KRTAP20-1: variants seen among roughly 807,000 people sequenced by gnomAD.
KRTAP20-1 encodes the protein keratin-associated protein 20-1.
In KRTAP20-1, 9 loss-of-function variants were observed where a neutral mutation model predicts 6.9. The observed-to-expected ratio is 1.31, with a 90% CI of 0.79 to 2.29. The LOEUF (loss-of-function observed/expected upper bound fraction) is 2.29. Ranked by LOEUF, KRTAP20-1 falls within the 30% of genes most tolerant of loss-of-function variation. The probability of loss-of-function intolerance (pLI) is 0.00; values close to 1 mark genes in which losing one functional copy is unlikely to be tolerated. For missense variants in KRTAP20-1, 69 were observed against 67.8 expected (o/e 1.02, Z -0.06); for synonymous variants, 30 against 25.6 (o/e 1.17, Z -0.51).
In KRTAP20-1 at chr21:30,616,441, C is replaced by T. The variant is rs1033120920; in HGVS notation, c.-14C>T. 6.2e-7 allele frequency: 1 copy of T among 1,604,464 alleles called. No homozygotes were observed. The highest frequency in any genetic ancestry group is 1.1e-5 in the South Asian group (1 of 89,672). On this transcript the variant is annotated 5_prime_UTR_variant, in exon 1 of 1. Transcript: ENST00000334664. ...ACATCCTCTTCTACACCTGAACCAT[C>T]CATTTCTGACACCATGATTTACTAC...
chr21:30,616,478 T>C lies in KRTAP20-1; in HGVS notation c.24T>C (p.Tyr8=), dbSNP rs1980699891. Residue 8 remains tyrosine, a synonymous_variant, in exon 1 of 1, where the codon TAT becomes TAC. Coordinates refer to ENST00000334664, the MANE Select transcript of KRTAP20-1 (RefSeq NM_181615.2). MIYYSNY[Y]GGYGYGGLGC... ...CCATGATTTACTACAGCAACTATTA[T>C]GGTGGCTATGGGTATGGTGGGCTTG... 2 of 1,612,206 alleles carry C rather than the reference T, an allele frequency of 1.2e-6. No individual in the cohort carries two copies. Among genetic ancestry groups the C allele is most frequent in the Non-Finnish European group, 1.7e-6 (2 of 1,178,632 alleles).
Position 30,616,547 on chromosome 21 carries a change from T to C in KRTAP20-1, c.93T>C (p.Tyr31=). Residue 31 remains tyrosine (Y), a synonymous_variant, in exon 1 of 1, where the codon TAT becomes TAC. Transcript: ENST00000334664. ...GCGYRGYGCG[Y]GGYGGYGNGY... The stretch of plus-strand genomic sequence containing the variant: ...GTTATCGTGGCTATGGATGTGGTTA[T>C]GGTGGCTATGGAGGCTATGGAAATG... 6.2e-7 allele frequency: 1 copy of C among 1,609,124 alleles called. No homozygotes were observed. Among genetic ancestry groups the C allele is most frequent in the Non-Finnish European group, 8.5e-7 (1 of 1,175,478 alleles).
Position 30,616,648 on chromosome 21 carries a change from T to G in KRTAP20-1, c.*23T>G, listed in dbSNP as rs1206490344. 15 of 1,564,834 alleles carry G rather than the reference T, an allele frequency of 9.6e-6. No individual in the cohort carries two copies. Among genetic ancestry groups the G allele is most frequent in the Non-Finnish European group, 1.3e-5 (15 of 1,148,100 alleles). On this transcript the variant is annotated 3_prime_UTR_variant, in exon 1 of 1. Transcript: ENST00000334664. Reference sequence around the variant, plus strand: ...TGAACAATTCTAGAGCTCACCAGATTTGTCTGCTTGTGAAACCTGGATTCT... The same window carrying G: ...TGAACAATTCTAGAGCTCACCAGATGTGTCTGCTTGTGAAACCTGGATTCT...
chr21:30,616,683 C>G lies in KRTAP20-1; in HGVS notation c.*58C>G. The G allele has an allele frequency of 6.9e-7, 1 of 1,451,402 alleles. No individual in the cohort carries two copies. Among genetic ancestry groups the G allele is most frequent in the South Asian group, 1.4e-5 (1 of 71,316 alleles). 89.9% of individuals were successfully genotyped at this position (1,451,402 alleles called of 1,614,324 possible). ...GTGAAACCTGGATTCTCATGCTGCT[C>G]TTGTTCATCTGATCCTGTGTCTTCA... On this transcript the variant is annotated 3_prime_UTR_variant, in exon 1 of 1. Coordinates refer to ENST00000334664, the MANE Select transcript of KRTAP20-1 (RefSeq NM_181615.2).
rs779381012 is a variant in KRTAP20-1 at position 30,616,492 on chromosome 21, A to G, written c.38A>G (p.Tyr13Cys). The change falls in exon 1 of 1, where the codon TAT (tyrosine) becomes TGT (cysteine). Residue 13 changes from tyrosine (Y) to cysteine (C), a missense_variant. By Grantham distance (194) the Tyr-to-Cys change is radical. Transcript: ENST00000334664. ...AGCAACTATTATGGTGGCTATGGGT[A>G]TGGTGGGCTTGGCTGTGGCTATGGC... ...YYSNYYGGYG[Y>C]GGLGCGYGCG... The G allele has an allele frequency of 6.2e-7, 1 of 1,612,280 alleles. No homozygotes were observed. The highest frequency in any genetic ancestry group is 1.7e-5 in the Admixed American group (1 of 59,960).
chr21:30,616,475 T>G, the KRTAP20-1 span: 31 of 1,611,856 alleles, frequency 1.9e-5, no homozygotes, highest in Non-Finnish European at 2.6e-5. Flanking sequence ...ACAGCAACTA[T>G]TATGGTGGCT....
chr21:30,616,466 C>CGT, the KRTAP20-1 span: 9 of 1,610,406 alleles, frequency 5.6e-6, no homozygotes, highest in East Asian at 2.0e-4. Context: ...TGATTTACTA[C>CGT]AGCAACTATT....
rs1424344841 is a variant in KRTAP20-1 at position 30,616,553 on chromosome 21, C to G, written c.99C>G (p.Gly33=). The G allele has an allele frequency of 1.2e-6, 2 of 1,608,176 alleles. No homozygotes were observed. Among genetic ancestry groups the G allele is most frequent in the East Asian group, 4.5e-5 (2 of 44,830 alleles). ...GYRGYGCGYG[G]YGGYGNGYYC... ...GTGGCTATGGATGTGGTTATGGTGG[C>G]TATGGAGGCTATGGAAATGGCTACT... is the stretch of plus-strand genomic sequence containing the variant. Residue 33 remains glycine, a synonymous_variant, in exon 1 of 1, where the codon GGC becomes GGG. Coordinates refer to ENST00000334664, the MANE Select transcript of KRTAP20-1 (RefSeq NM_181615.2).
rs1349807267 is a variant in KRTAP20-1, at chr21:30,616,458, A to G, written c.4A>G (p.Ile2Val). The part of the protein sequence containing the change: M[I>V]YYSNYYGGYG... The stretch of plus-strand genomic sequence containing the variant: ...TGAACCATCCATTTCTGACACCATG[A>G]TTTACTACAGCAACTATTATGGTGG... Residue 2 changes from isoleucine (I) to valine (V), a missense_variant, in exon 1 of 1, where the codon ATT (isoleucine) becomes GTT (valine). Physicochemically the swap from Ile to Val is conservative, Grantham distance 29. Coordinates refer to ENST00000334664, the MANE Select transcript of KRTAP20-1 (RefSeq NM_181615.2). The G allele has an allele frequency of 4.4e-6, 7 of 1,608,732 alleles. No homozygotes were observed. Among genetic ancestry groups the G allele is most frequent in the Non-Finnish European group, 6.0e-6 (7 of 1,176,440 alleles).
rs770360159 is a variant in KRTAP20-1 at position 30,616,625 on chromosome 21, A to G, written c.171A>G (p.Ter57TrpextTer12). The change falls in exon 1 of 1, where the codon TGA becomes TGG. Residue 57 changes from the stop codon to tryptophan, a stop_lost. Coordinates refer to ENST00000334664, the MANE Select transcript of KRTAP20-1 (RefSeq NM_181615.2). Reference protein sequence around the residue: ...YGRYWSYGFY* With the variant: ...YGRYWSYGFYW ...GATATTGGTCATATGGTTTCTACTG[A>G]ACAATTCTAGAGCTCACCAGATTTG... 1.9e-6 allele frequency: 3 copies of G among 1,607,852 alleles called. No individual in the cohort carries two copies. The highest frequency in any genetic ancestry group is 2.6e-6 in the Non-Finnish European group (3 of 1,175,684).
Position 30,616,515 on chromosome 21 carries a change from G to C in KRTAP20-1, c.61G>C (p.Gly21Arg). Residue 21 changes from glycine (G) to arginine (R), a missense_variant, in exon 1 of 1, where the codon GGC becomes CGC. By Grantham distance (125) the Gly-to-Arg change is moderately radical (BLOSUM62 -2). Coordinates refer to ENST00000334664, the MANE Select transcript of KRTAP20-1 (RefSeq NM_181615.2). ...GTATGGTGGGCTTGGCTGTGGCTAT[G>C]GCTGTGGTTATCGTGGCTATGGATG... ...YGYGGLGCGYGCGYRGYGCGY... is the reference protein window; with the variant it reads ...YGYGGLGCGYRCGYRGYGCGY... 1 of 1,609,876 alleles carries C rather than the reference G, an allele frequency of 6.2e-7. No homozygotes were observed. The highest frequency in any genetic ancestry group is 8.5e-7 in the Non-Finnish European group (1 of 1,176,206).
chr21:30,616,593 T>A lies in KRTAP20-1; in HGVS notation c.139T>A (p.Tyr47Asn). 1 of 1,612,976 alleles carries A rather than the reference T, an allele frequency of 6.2e-7. No individual in the cohort carries two copies. Among genetic ancestry groups the A allele is most frequent in the South Asian group, 1.1e-5 (1 of 91,026 alleles). ...AAATGGCTACTACTGCCCATCTTGCTATGGAAGATATTGGTCATATGGTTT... is the reference window on the plus strand; with the variant it reads ...AAATGGCTACTACTGCCCATCTTGCAATGGAAGATATTGGTCATATGGTTT... ...YGNGYYCPSC[Y>N]GRYWSYGFY Residue 47 changes from tyrosine to asparagine, a missense_variant, in exon 1 of 1, where the codon TAT becomes AAT. Transcript: ENST00000334664.
chr21:30,616,511 CTATGGCTGTGGT>C lies in KRTAP20-1; in HGVS notation c.61_72del (p.Gly21_Tyr24del). ...ATGGGTATGGTGGGCTTGGCTGTGG[CTATGGCTGTGGT>C]TATCGTGGCTATGGATGTGGTTATG... On this transcript the variant is annotated inframe_deletion, in exon 1 of 1. Transcript: ENST00000334664. 6.2e-7 allele frequency: 1 copy of C among 1,609,482 alleles called. No individual in the cohort carries two copies. Among genetic ancestry groups the C allele is most frequent in the Non-Finnish European group, 8.5e-7 (1 of 1,175,938 alleles).
chr21:30,616,585 C>G lies in KRTAP20-1; in HGVS notation c.131C>G (p.Pro44Arg). Residue 44 changes from proline to arginine, a missense_variant, in exon 1 of 1, where the codon CCA becomes CGA. Pro to Arg is a moderately radical substitution (Grantham distance 103). Transcript: ENST00000334664. ...YGGYGNGYYC[P>R]SCYGRYWSYG... ...GGCTATGGAAATGGCTACTACTGCCCATCTTGCTATGGAAGATATTGGTCA... is the reference window on the plus strand; with the variant it reads ...GGCTATGGAAATGGCTACTACTGCCGATCTTGCTATGGAAGATATTGGTCA... The G allele has an allele frequency of 1.2e-6, 2 of 1,612,868 alleles. No homozygotes were observed. Among genetic ancestry groups the G allele is most frequent in the South Asian group, 2.2e-5 (2 of 91,026 alleles).
Sources: gnomAD v4.1 joint callset for allele counts on GRCh38, gnomAD v4.1.1 for gene constraint, MANE v1.5 for transcripts, NCBI Gene and HGNC (gene_info 2026-07-23, HGNC 2026-07-21) for gene names.